The following GIGYF2 variants were observed in gnomAD, a reference collection of about 807,000 sequenced individuals.
The protein encoded by GIGYF2 is GRB10 interacting GYF protein 2, also known as GRB10-interacting GYF protein 2.
Under a neutral mutation model 208.1 loss-of-function variants are expected in GIGYF2, and 25 were observed. That is an observed-to-expected ratio of 0.12 (90% CI 0.09 to 0.17). The LOEUF (loss-of-function observed/expected upper bound fraction) is 0.17. Among genes scored for constraint, GIGYF2 ranks in the 10% least tolerant of loss-of-function variants. The pLI, the probability that GIGYF2 is intolerant of heterozygous loss-of-function variation, is 1.00. For synonymous variants in GIGYF2, 534 were observed against 543.8 expected (o/e 0.98, Z 0.25); for missense variants, 1,302 against 1,579.4 (o/e 0.82, Z 2.98).
chr2:232,832,902 C>T lies in GIGYF2; in HGVS notation c.2575C>T (p.Arg859Cys), dbSNP rs199672111. Residue 859 changes from arginine to cysteine, a missense_variant, in exon 22 of 29, where the codon CGT (arginine) becomes TGT (cysteine). Physicochemically the swap from Arg to Cys is radical, Grantham distance 180 (BLOSUM62 -3). Around this residue, in one of 8 missense-constraint regions of GIGYF2, gnomAD observed 701 missense variants for 793.0 expected, o/e 0.88. Coordinates refer to ENST00000373563, the MANE Select transcript of GIGYF2 (RefSeq NM_001103146.3). Reference protein sequence around the residue: ...KWAREEEEAQRRLEENRLRME... With the variant: ...KWAREEEEAQCRLEENRLRME... ...GGCCCGGGAAGAAGAAGAAGCCCAG[C>T]GTCGATTAGAGGAGAACCGGCTGCG... 17 of 1,562,806 alleles carry T rather than the reference C, an allele frequency of 1.1e-5. No individual in the cohort carries two copies. The highest frequency in any genetic ancestry group is 4.1e-5 in the African/African-American group (3 of 73,628).
chr2:232,765,918 T>C (rs1223452051), intron 8 of GIGYF2: 5 of 470,868 alleles, frequency 1.1e-5, no homozygotes, highest in African/African-American at 1.0e-4. Flanking sequence ...TAAAGTTAGT[T>C]CCGAAGTAGT....
rs538386940 is a variant in GIGYF2, at chr2:232,836,956, G to A, written c.2767-2893G>A. ...AGACAAAAATCTCTCAGTCAGCTCTGGAAGTGGGCACAGTGGTCTGCTTTC... is the reference window on the plus strand; with the variant it reads ...AGACAAAAATCTCTCAGTCAGCTCTAGAAGTGGGCACAGTGGTCTGCTTTC... On this transcript the variant is annotated intron_variant, in intron 22 of 28. Transcript: ENST00000373563. Among the ~76,000 whole-genome samples the A allele has an allele frequency of 3.3e-5, 5 of 152,312 alleles. No homozygotes were observed. In the East Asian group the frequency reaches 9.7e-4, roughly 29 times the overall value.
chr2:232,809,631 A>G, intron 15 of GIGYF2, 89 bp from the exon 16 acceptor site: 1 of 797,212 alleles, frequency 1.3e-6, no homozygotes, highest in South Asian at 1.4e-5. Flanking sequence ...TCTTAGATTC[A>G]TTTTGATTTC....
chr2:232,776,069 CT>C (rs1699499234), intron 8 of GIGYF2, among the ~76,000 whole-genome samples: 1 of 146,126 alleles, frequency 6.8e-6, no homozygotes, highest in Non-Finnish European at 1.5e-5. Flanking sequence ...GTGGCTTATT[CT>C]TTTGGCATTT....
chr2:232,801,439 T>A (rs1180060928), intron 14 of GIGYF2, among the ~76,000 whole-genome samples: 1 of 152,140 alleles, frequency 6.6e-6, no homozygotes, highest in Non-Finnish European at 1.5e-5. Flanking sequence ...GCAGGAGAAT[T>A]GCTAGAGCCC....
At chr2:232,796,036 C>A in intron 13 of GIGYF2, 26 bp from the exon 14 acceptor site, 1 of 1,580,830 alleles carries the variant, frequency 6.3e-7, no homozygotes. Context: ...CATTTGTTTC[C>A]TTGATTTTTG....
chr2:232,840,365 C>G (rs902972028), intron 23 of GIGYF2, among the ~76,000 whole-genome samples: 3 of 152,082 alleles, frequency 2.0e-5, no homozygotes, highest in Admixed American at 2.0e-4. Flanking sequence ...AAAAATGTGA[C>G]AGAAATAAAG....
chr2:232,763,871 C>G (rs1299207555), intron 8 of GIGYF2, among the ~76,000 whole-genome samples: 1 of 151,796 alleles, frequency 6.6e-6, no homozygotes, highest in Non-Finnish European at 1.5e-5. Context: ...GTCTCTGTCT[C>G]TTTCTCAAAG....
chr2:232,856,667 G>A, intron 28 of GIGYF2, 126 bp from the exon 29 acceptor site: 1 of 766,992 alleles, frequency 1.3e-6, no homozygotes, highest in East Asian at 2.5e-5. Context: ...ACTCCAGCCT[G>A]GGTGACAGAG....
rs1302940742 is a variant in GIGYF2 at position 232,806,160 on chromosome 2, A to G, written c.1640-331A>G. Among the ~76,000 whole-genome samples the G allele has an allele frequency of 6.6e-6, 1 of 152,206 alleles. No homozygotes were observed. The highest frequency in any genetic ancestry group is 2.4e-5 in the African/African-American group (1 of 41,464). ...CTGCATGTTTATATTCTTTACGCCTAAATGATACAAAGTCTAGTAAATAGT... is the reference window on the plus strand; with the variant it reads ...CTGCATGTTTATATTCTTTACGCCTGAATGATACAAAGTCTAGTAAATAGT... On this transcript the variant is annotated intron_variant, in intron 14 of 28. Transcript: ENST00000373563. The surrounding 1 kb of genome is among the most constrained non-coding windows in gnomAD (Gnocchi z 4.0).
chr2:232,784,382 A>ATTT lies in GIGYF2; in HGVS notation c.533-2767_533-2765dup, dbSNP rs1360964345. Among the ~76,000 whole-genome samples, 15 of 70,400 alleles carry ATTT rather than the reference A, an allele frequency of 2.1e-4. 1 individual carries two copies. Among genetic ancestry groups the ATTT allele is most frequent in the Admixed American group, 3.5e-4 (2 of 5,700 alleles). The allele number at this position is 70,400 out of a possible 152,430, so 46.2% of individuals were successfully genotyped here. A position where few individuals can be genotyped will look rare whatever the true frequency, so the allele number is the denominator to read the frequency against. ...AGGTTCTAGCTACTTACACGAAATA[A>ATTT]TTTCTTTTTTTTTTTTTTTTTTTTT... is the stretch of plus-strand genomic sequence containing the variant. On this transcript the variant is annotated intron_variant, in intron 8 of 28. Transcript: ENST00000373563.
chr2:232,704,969 C>A (rs1247552907), intron 2 of GIGYF2, among the ~76,000 whole-genome samples: 1 of 145,882 alleles, frequency 6.9e-6, no homozygotes, highest in African/African-American at 2.5e-5. Context: ...ACGCAATTCT[C>A]CTGCCTCAGC....
At chr2:232,825,925 A>G (rs534468576) in intron 21 of GIGYF2, among the ~76,000 whole-genome samples, 3 of 141,038 alleles carry the variant, frequency 2.1e-5, no homozygotes, top group Non-Finnish European at 4.5e-5. Context: ...TCATTGTTCA[A>G]CTCCCACCTG....
At chr2:232,844,004 A>G (rs778564824) in intron 23 of GIGYF2, 42 bp from the exon 24 acceptor site, 4 of 1,587,312 alleles carry the variant, frequency 2.5e-6, no homozygotes, top group Non-Finnish European at 8.7e-7. Context: ...ACTATTATCT[A>G]AAAACAGGAA....
In GIGYF2 at chr2:232,844,580, G is replaced by T. The variant is rs1348182181; in HGVS notation, c.3305+6G>T. On this transcript the variant is annotated splice_donor_region_variant and intron_variant, in intron 25 of 28. Coordinates refer to ENST00000373563, the MANE Select transcript of GIGYF2 (RefSeq NM_001103146.3). ...AAAAACAACGCCAGTCTCAGGTAGGGCTCAAAATGACCACACCTATGCACC... is the reference window on the plus strand; with the variant it reads ...AAAAACAACGCCAGTCTCAGGTAGGTCTCAAAATGACCACACCTATGCACC... 6.2e-7 allele frequency: 1 copy of T among 1,600,192 alleles called. No individual in the cohort carries two copies. Among genetic ancestry groups the T allele is most frequent in the Non-Finnish European group, 8.6e-7 (1 of 1,169,234 alleles).
intron 2 of GIGYF2, among the ~76,000 whole-genome samples, chr2:232,732,129 G>A (rs1395811536): frequency 6.6e-6 from 1 of 152,056 alleles, no homozygotes; most frequent in Non-Finnish European, 1.5e-5. Context: ...AGTAGTTAAG[G>A]GAATTCTCTA....
In GIGYF2 at chr2:232,735,721, T is replaced by C. The variant is rs1337137008; in HGVS notation, c.41+483T>C. 10 of 987,102 alleles carry C rather than the reference T, an allele frequency of 1.0e-5. No homozygotes were observed. In the African/African-American group the frequency reaches 1.4e-4, roughly 14 times the overall value. 61.1% of individuals were successfully genotyped at this position (987,102 alleles called of 1,614,324 possible). ...TAGCCTATCTAGGATTCAGTTAGCA[T>C]TGGACATAATAACGATTAATTGACC... is the stretch of plus-strand genomic sequence containing the variant. On this transcript the variant is annotated intron_variant, in intron 3 of 28. Coordinates refer to ENST00000373563, the MANE Select transcript of GIGYF2 (RefSeq NM_001103146.3).
chr2:232,814,566 C>CT (rs1194533153), intron 18 of GIGYF2, among the ~76,000 whole-genome samples: 1 of 40,762 alleles, frequency 2.5e-5, no homozygotes, highest in Non-Finnish European at 4.5e-5. Flanking sequence ...CCACCTCAAA[C>CT]CCCCCCCCCC....
chr2:232,803,473 A>G (rs1024633258), intron 14 of GIGYF2, among the ~76,000 whole-genome samples: 1 of 152,086 alleles, frequency 6.6e-6, no homozygotes, highest in Non-Finnish European at 1.5e-5. Context: ...TATAATTTAC[A>G]TTTAAGTTCA....
Sources: allele counts gnomAD v4.1 joint callset (sites outside exome capture counted in the v4.1 genomes callset), GRCh38; gene constraint gnomAD v4.1.1; regional missense constraint gnomAD v4.1.1; non-coding constraint Gnocchi (gnomAD v3.1); transcripts MANE v1.5; gene names NCBI Gene and HGNC (gene_info 2026-07-23, HGNC 2026-07-21).